TENM3: variants seen among roughly 807,000 people sequenced by gnomAD.
The protein encoded by TENM3 is teneurin-3.
Under a neutral mutation model 255.1 loss-of-function variants are expected in TENM3, and 63 were observed. That is an observed-to-expected ratio of 0.25 (90% CI 0.20 to 0.30). The LOEUF (loss-of-function observed/expected upper bound fraction) is 0.30, where lower values mean the gene tolerates loss of function less well. Ranked by LOEUF, TENM3 falls within the 10% of genes least tolerant of loss-of-function variation. The pLI, the probability that TENM3 is intolerant of heterozygous loss-of-function variation, is 1.00. For missense variants in TENM3, 2,929 were observed against 3,461.1 expected, an observed-to-expected ratio of 0.85 and a Z score of 3.86; for synonymous variants, 1,306 against 1,322.3, an observed-to-expected ratio of 0.99 and a Z score of 0.27.
chr4:181,964,166 C>A, the TENM3 span, among the ~76,000 whole-genome samples: 29 of 151,406 alleles, frequency 1.9e-4, no homozygotes, highest in African/African-American at 6.3e-4. Flanking sequence ...GGCCTTTGAC[C>A]AGATGGTTTC....
the TENM3 span, among the ~76,000 whole-genome samples, chr4:181,466,368 G>A: frequency 2.6e-3 from 395 of 151,964 alleles, 2 homozygotes; most frequent in African/African-American, 9.3e-3. Context: ...CACCCGCCTC[G>A]GCCTCTCAAA....
At chr4:181,754,838 T>C in the TENM3 span, among the ~76,000 whole-genome samples, 1 of 152,214 alleles carries the variant, frequency 6.6e-6, no homozygotes, top group Non-Finnish European at 1.5e-5. Flanking sequence ...TTATTAGTCA[T>C]GACCCTTAAT....
intron 13 of TENM3, among the ~76,000 whole-genome samples, chr4:182,720,793 G>T (rs908010591): frequency 8.6e-6 from 1 of 116,948 alleles, no homozygotes; most frequent in Admixed American, 9.2e-5. Context: ...TTGAGACAGA[G>T]TCTTGCTCTT....
chr4:182,064,110 C>T, the TENM3 span, among the ~76,000 whole-genome samples: 8 of 151,684 alleles, frequency 5.3e-5, no homozygotes, highest in African/African-American at 2.4e-5. Flanking sequence ...TCTCCTCAAC[C>T]GTGTAATACC....
chr4:182,605,952 G>A (rs1434637784), intron 4 of TENM3, among the ~76,000 whole-genome samples: 1 of 152,152 alleles, frequency 6.6e-6, no homozygotes, highest in Non-Finnish European at 1.5e-5. Context: ...CAAGAGTAAA[G>A]TTAATTTTAA....
chr4:182,767,817 C>T (rs1338917999), intron 22 of TENM3, among the ~76,000 whole-genome samples: 1 of 152,146 alleles, frequency 6.6e-6, no homozygotes, highest in Non-Finnish European at 1.5e-5. Flanking sequence ...CCGAGGAAGG[C>T]CCACTCATGA....
At position 182,533,487 on chromosome 4, in the gene TENM3, C is replaced by T. The variant is rs779432509; in HGVS notation, c.512-67437C>T. ...CCAGGAAGTCGAGGCTGCAGTGAGC[C>T]GTGATCACACCACTGCACTCCTGCC... is the stretch of plus-strand genomic sequence containing the variant. On this transcript the variant is annotated intron_variant, in intron 3 of 27. Transcript: ENST00000511685. Among the ~76,000 whole-genome samples, 67 of 149,106 alleles carry T rather than the reference C, an allele frequency of 4.5e-4. 2 individuals are homozygous for T. The highest frequency in any genetic ancestry group is 7.0e-3 in the Middle Eastern group (2 of 284).
At chr4:181,864,634 G>A in the TENM3 span, among the ~76,000 whole-genome samples, 81 of 152,300 alleles carry the variant, frequency 5.3e-4, no homozygotes, top group African/African-American at 1.9e-3. Context: ...CAAATGAGCT[G>A]AGATATGGAT....
intron 5 of TENM3, 150 bp from the exon 6 acceptor site, chr4:182,653,621 T>C: frequency 1.2e-6 from 1 of 849,890 alleles, no homozygotes. Flanking sequence ...GAACTCTTTG[T>C]TTTATAATTT....
chr4:181,648,369 A>G, the TENM3 span, among the ~76,000 whole-genome samples: 1 of 152,158 alleles, frequency 6.6e-6, no homozygotes, highest in Non-Finnish European at 1.5e-5. Context: ...CTGAGCCACT[A>G]AACTGACTCA....
At chr4:182,540,302 A>G (rs1208694302) in intron 3 of TENM3, among the ~76,000 whole-genome samples, 4 of 152,198 alleles carry the variant, frequency 2.6e-5, no homozygotes, top group Non-Finnish European at 5.9e-5. Context: ...TAAAAATTTC[A>G]CTTAAGGCCA....
At chr4:182,673,595 C>T (rs764453577) in intron 7 of TENM3, among the ~76,000 whole-genome samples, 23 of 152,148 alleles carry the variant, frequency 1.5e-4, no homozygotes, top group African/African-American at 5.3e-4. Flanking sequence ...ATCTCTAACA[C>T]GTATTCATTC....
At chr4:181,695,800 C>T in the TENM3 span, among the ~76,000 whole-genome samples, 2 of 152,034 alleles carry the variant, frequency 1.3e-5, no homozygotes, top group East Asian at 1.9e-4. Flanking sequence ...TTTTTGAAAC[C>T]GCTGATCTAC....
intron 3 of TENM3, among the ~76,000 whole-genome samples, chr4:182,488,172 G>A (rs910840602): frequency 4.6e-5 from 7 of 152,172 alleles, no homozygotes; most frequent in Non-Finnish European, 8.8e-5. Context: ...AATAGGATTT[G>A]CCACTTGAAG....
At chr4:182,699,699 A>T (rs374116360) in intron 12 of TENM3, among the ~76,000 whole-genome samples, 1 of 152,178 alleles carries the variant, frequency 6.6e-6, no homozygotes, top group Non-Finnish European at 1.5e-5. Context: ...GAGACATGTT[A>T]TCTGAATAAA....
the TENM3 span, among the ~76,000 whole-genome samples, chr4:181,763,675 C>A: frequency 3.9e-5 from 6 of 152,186 alleles, no homozygotes; most frequent in African/African-American, 1.4e-4. Context: ...GTATGCCTTG[C>A]AAAGCCTAAA....
chr4:182,118,229 CAG>C, the TENM3 span, among the ~76,000 whole-genome samples: 1 of 151,974 alleles, frequency 6.6e-6, no homozygotes, highest in Non-Finnish European at 1.5e-5. Context: ...CATGCACGAA[CAG>C]AGACAGTATT....
the TENM3 span, among the ~76,000 whole-genome samples, chr4:181,605,568 A>AAGAAAGAAAGAAAGAAAGAAAGAG: frequency 4.7e-5 from 2 of 42,202 alleles, no homozygotes; most frequent in East Asian, 1.3e-3. Flanking sequence ...GAAAGAAAGA[A>AAGAAAGAAAGAAAGAAAGAAAGAG]AGAGAGAGAA....
chr4:181,882,162 A>G, the TENM3 span, among the ~76,000 whole-genome samples: 1 of 152,154 alleles, frequency 6.6e-6, no homozygotes. Context: ...CTGACTCTCC[A>G]GGCTGTGACT....
Sources: allele counts gnomAD v4.1 joint callset (sites outside exome capture counted in the v4.1 genomes callset), GRCh38; gene constraint gnomAD v4.1.1; transcripts MANE v1.5; gene names NCBI Gene and HGNC (gene_info 2026-07-23, HGNC 2026-07-21).